Variants in PRKN observed in about 807,000 individuals in gnomAD.
The protein encoded by PRKN is parkin RBR E3 ubiquitin protein ligase, also known as E3 ubiquitin-protein ligase parkin.
Under a neutral mutation model 59.5 loss-of-function variants are expected in PRKN, and 56 were observed. The ratio of observed to expected loss-of-function variants is 0.94; its 90% CI spans 0.76 to 1.18. The LOEUF (loss-of-function observed/expected upper bound fraction) is 1.18. Ranked by LOEUF, PRKN falls within the 50% of genes most tolerant of loss-of-function variation. The pLI, the probability that PRKN is intolerant of heterozygous loss-of-function variation, is 0.00. For synonymous variants in PRKN, 250 were observed against 222.1 expected, an observed-to-expected ratio of 1.13 and a Z score of -1.12; for missense variants, 657 against 596.4, an observed-to-expected ratio of 1.10 and a Z score of -1.06.
At position 161,359,438 on chromosome 6, in the gene PRKN, G is replaced by C. The variant is rs11754481; in HGVS notation, c.1285+650C>G. Among the ~76,000 whole-genome samples the C allele has an allele frequency of 1.3e-5, 2 of 152,148 alleles. No individual in the cohort carries two copies. The highest frequency in any genetic ancestry group is 2.4e-5 in the African/African-American group (1 of 41,448). On this transcript the variant is annotated intron_variant, in intron 11 of 11. Transcript: ENST00000366898. The surrounding 1 kb of genome is among the most constrained non-coding windows in gnomAD (Gnocchi z 5.4). ...TGCTCATTAAGGAGAAGCTGGGAGAGGCTGCGCCTGGCTTCGTGTCATTGC... is the reference window on the plus strand; with the variant it reads ...TGCTCATTAAGGAGAAGCTGGGAGACGCTGCGCCTGGCTTCGTGTCATTGC...
At chr6:162,244,400 G>A (rs1779114670) in intron 3 of PRKN, among the ~76,000 whole-genome samples, 1 of 151,870 alleles carries the variant, frequency 6.6e-6, no homozygotes, top group Non-Finnish European at 1.5e-5. Flanking sequence ...CTTTAGAAAT[G>A]GGTCTAAGAT....
At chr6:162,121,282 A>C (rs1197804640) in intron 4 of PRKN, among the ~76,000 whole-genome samples, 1 of 152,166 alleles carries the variant, frequency 6.6e-6, no homozygotes, top group Non-Finnish European at 1.5e-5. Context: ...ATGTATGCCA[A>C]CCCGTGGAAA....
chr6:161,996,572 T>A (rs905385067), intron 5 of PRKN, among the ~76,000 whole-genome samples: 2 of 152,172 alleles, frequency 1.3e-5, no homozygotes, highest in African/African-American at 4.8e-5. Context: ...CTCCTCTTAA[T>A]CAAATTTACA....
chr6:162,564,969 C>A (rs1393921721), intron 1 of PRKN, among the ~76,000 whole-genome samples: 1 of 151,450 alleles, frequency 6.6e-6, no homozygotes, highest in Non-Finnish European at 1.5e-5. Flanking sequence ...AATATTATAA[C>A]AGTGTAACTG....
At chr6:161,511,837 T>A (rs1778403897) in intron 9 of PRKN, among the ~76,000 whole-genome samples, 1 of 149,966 alleles carries the variant, frequency 6.7e-6, no homozygotes, top group Non-Finnish European at 1.5e-5. Context: ...AAAAAAAAAA[T>A]CTGCTAACTG....
At chr6:162,706,803 A>C (rs1435695297) in intron 1 of PRKN, among the ~76,000 whole-genome samples, 2 of 151,552 alleles carry the variant, frequency 1.3e-5, no homozygotes, top group East Asian at 3.8e-4. Flanking sequence ...CATAAAGGGA[A>C]TGTATCATAG....
intron 2 of PRKN, among the ~76,000 whole-genome samples, chr6:162,375,935 G>C (rs1412100871): frequency 6.6e-6 from 1 of 152,058 alleles, no homozygotes; most frequent in African/African-American, 2.4e-5. Flanking sequence ...TCTGTGCCCT[G>C]TGCATCTGGG....
chr6:161,937,112 G>C (rs1779387930), intron 6 of PRKN, among the ~76,000 whole-genome samples: 1 of 152,104 alleles, frequency 6.6e-6, no homozygotes, highest in East Asian at 1.9e-4. Context: ...GTGTGTAAAG[G>C]GTCCCCATTT....
At chr6:162,164,332 C>T (rs1422814242) in intron 4 of PRKN, among the ~76,000 whole-genome samples, 2 of 148,794 alleles carry the variant, frequency 1.3e-5, no homozygotes, top group Admixed American at 1.3e-4. Flanking sequence ...CCTCAGCCTC[C>T]TGAGTAGCTG....
intron 6 of PRKN, among the ~76,000 whole-genome samples, chr6:161,812,931 C>T (rs927752330): frequency 3.9e-5 from 6 of 152,162 alleles, no homozygotes; most frequent in East Asian, 1.9e-4. Context: ...TACACAAAGG[C>T]GTTTACACAA....
At chr6:161,535,520 C>G (rs897861070) in intron 9 of PRKN, among the ~76,000 whole-genome samples, 5 of 152,182 alleles carry the variant, frequency 3.3e-5, no homozygotes, top group South Asian at 2.1e-4. Context: ...CGCTCATCAT[C>G]CATTTGCCCT....
At chr6:161,967,702 G>A (rs956499728) in intron 6 of PRKN, among the ~76,000 whole-genome samples, 2 of 152,168 alleles carry the variant, frequency 1.3e-5, no homozygotes, top group Admixed American at 6.5e-5. Flanking sequence ...ATTCCAGCTT[G>A]AGAGCATGCC....
At chr6:161,607,449 C>G (rs2128145340) in intron 7 of PRKN, among the ~76,000 whole-genome samples, 1 of 152,152 alleles carries the variant, frequency 6.6e-6, no homozygotes, top group East Asian at 1.9e-4. Flanking sequence ...AACAAACACT[C>G]AACTACAATC....
intron 4 of PRKN, among the ~76,000 whole-genome samples, chr6:162,181,557 A>G (rs1783805141): frequency 6.6e-6 from 1 of 152,184 alleles, no homozygotes; most frequent in African/African-American, 2.4e-5. Flanking sequence ...AAAGAGGGTC[A>G]GGCTTGGACA....
At chr6:161,896,422 C>T (rs111431390) in intron 6 of PRKN, among the ~76,000 whole-genome samples, 2 of 152,160 alleles carry the variant, frequency 1.3e-5, no homozygotes, top group African/African-American at 4.8e-5. Flanking sequence ...CTCCCATCAA[C>T]AACCATAGTG....
chr6:162,599,547 G>A (rs1037248670), intron 1 of PRKN, among the ~76,000 whole-genome samples: 13 of 152,024 alleles, frequency 8.6e-5, no homozygotes, highest in African/African-American at 2.7e-4. Context: ...CAAATAATAC[G>A]CCCGGCAGAG....
At chr6:161,763,104 A>G (rs1202802830) in intron 7 of PRKN, among the ~76,000 whole-genome samples, 1 of 152,214 alleles carries the variant, frequency 6.6e-6, no homozygotes, top group Non-Finnish European at 1.5e-5. Flanking sequence ...TACCTATAGC[A>G]TAGAAAACTT....
chr6:161,886,884 G>A (rs924654461), intron 6 of PRKN, among the ~76,000 whole-genome samples: 2 of 151,882 alleles, frequency 1.3e-5, no homozygotes, highest in South Asian at 2.1e-4. Context: ...AATTTTCTCC[G>A]TATTGCAACA....
At chr6:162,554,587 G>A (rs1779475684) in intron 1 of PRKN, among the ~76,000 whole-genome samples, 2 of 152,010 alleles carry the variant, frequency 1.3e-5, no homozygotes, top group African/African-American at 4.8e-5. Flanking sequence ...CATCCTCAGT[G>A]AGGTGGCGGG....
Sources: allele counts gnomAD v4.1 joint callset (sites outside exome capture counted in the v4.1 genomes callset), GRCh38; gene constraint gnomAD v4.1.1; non-coding constraint Gnocchi (gnomAD v3.1); transcripts MANE v1.5; gene names NCBI Gene and HGNC (gene_info 2026-07-23, HGNC 2026-07-21).